PTPRB: variants seen among roughly 807,000 people sequenced by gnomAD.
The protein encoded by PTPRB is protein tyrosine phosphatase receptor type B, also known as receptor-type tyrosine-protein phosphatase beta.
PTPRB carries 97 observed loss-of-function variants against 238.1 expected under a neutral mutation model. That is an observed-to-expected ratio of 0.41 (90% CI 0.35 to 0.48). PTPRB has a LOEUF of 0.48. PTPRB is among the 20% of genes least tolerant of loss of function. The pLI, the probability that PTPRB is intolerant of heterozygous loss-of-function variation, is 0.30. For missense variants in PTPRB, 2,292 were observed against 2,681.9 expected, an observed-to-expected ratio of 0.85 and a Z score of 3.21; for synonymous variants, 970 against 995.4, an observed-to-expected ratio of 0.97 and a Z score of 0.48.
chr12:70,607,919 C>T (rs893738937), intron 4 of PTPRB, among the ~76,000 whole-genome samples: 6 of 151,892 alleles, frequency 4.0e-5, no homozygotes, highest in African/African-American at 1.2e-4. Flanking sequence ...TCTCAGATAT[C>T]ATCTAAAAGT....
intron 32 of PTPRB, among the ~76,000 whole-genome samples, chr12:70,530,927 ATATGGTAGAATC>A (rs1458396884): frequency 2.0e-5 from 3 of 152,216 alleles, no homozygotes; most frequent in African/African-American, 7.2e-5. Flanking sequence ...AACATTCAAA[ATATGGTAGAATC>A]ATTGTTATAA....
At chr12:70,617,032 G>T (rs1458626803) in intron 3 of PTPRB, among the ~76,000 whole-genome samples, 1 of 152,156 alleles carries the variant, frequency 6.6e-6, no homozygotes, top group East Asian at 1.9e-4. Context: ...TTTGCATTTG[G>T]TTGAAAGAAA....
At chr12:70,634,240 G>A (rs746120523) in intron 2 of PTPRB, among the ~76,000 whole-genome samples, 30 of 152,214 alleles carry the variant, frequency 2.0e-4, no homozygotes, top group Non-Finnish European at 3.5e-4. Context: ...ATGGTGGAAA[G>A]ACTAATATAA....
intron 13 of PTPRB, 146 bp from the exon 14 acceptor site, chr12:70,570,084 G>C: frequency 1.3e-6 from 1 of 791,656 alleles, no homozygotes; most frequent in African/African-American, 1.7e-5. Context: ...ACTTTTCTCT[G>C]ATTTTTCTGT....
intron 17 of PTPRB, among the ~76,000 whole-genome samples, chr12:70,559,844 T>A (rs58593544): frequency 2.3e-4 from 31 of 134,164 alleles, no homozygotes; most frequent in South Asian, 4.7e-4. Context: ...TTTTCACTTT[T>A]TTTTTTTTGA....
intron 2 of PTPRB, among the ~76,000 whole-genome samples, chr12:70,626,978 T>G (rs1232401594): frequency 2.0e-5 from 3 of 152,048 alleles, no homozygotes; most frequent in Non-Finnish European, 4.4e-5. Context: ...AATTAATAAA[T>G]GGAAATTGAT....
rs563069382 is a variant in PTPRB at position 70,554,025 on chromosome 12, T to G, written c.5144-1005A>C. 7.2e-5 allele frequency among the ~76,000 whole-genome samples: 11 copies of G among 152,328 alleles called. No individual in the cohort carries two copies. In the South Asian group the frequency reaches 1.7e-3, roughly 23 times the overall value. Reference sequence around the variant, plus strand: ...ATATTCATGTAGCAAAACACTGTCTTCATTGCAGTCTAATTAAGTCTAAAG... The same window carrying G: ...ATATTCATGTAGCAAAACACTGTCTGCATTGCAGTCTAATTAAGTCTAAAG... On this transcript the variant is annotated intron_variant, in intron 20 of 33. Coordinates refer to ENST00000334414, the MANE Select transcript of PTPRB (RefSeq NM_001109754.4).
chr12:70,592,399 C>A lies in PTPRB; in HGVS notation c.1663G>T (p.Ala555Ser). Residue 555 changes from alanine to serine, a missense_variant, in exon 7 of 34, where the codon GCA becomes TCA. Physicochemically the swap from Ala to Ser is moderately conservative, Grantham distance 99. Coordinates refer to ENST00000334414, the MANE Select transcript of PTPRB (RefSeq NM_001109754.4). ...KGTIKESRVL[A>S]PWITETHFKE... The stretch of plus-strand genomic sequence containing the variant: ...AAGTGAGTTTCAGTAATCCAAGGTG[C>A]TAATACTCTGGATTCCTTGATGGTC... The A allele has an allele frequency of 6.2e-7, 1 of 1,613,790 alleles. No individual in the cohort carries two copies. Among genetic ancestry groups the A allele is most frequent in the Non-Finnish European group, 8.5e-7 (1 of 1,179,772 alleles).
chr12:70,541,203 C>A, intron 22 of PTPRB: 1 of 366,894 alleles, frequency 2.7e-6, no homozygotes, highest in Non-Finnish European at 4.9e-6. Flanking sequence ...GTTAATGTTG[C>A]ATAGCTTATA....
intron 3 of PTPRB, among the ~76,000 whole-genome samples, chr12:70,614,789 G>A (rs1884607587): frequency 6.6e-6 from 1 of 152,134 alleles, no homozygotes; most frequent in Admixed American, 6.5e-5. Context: ...CTTCGAACCG[G>A]CTCAATAGTA....
At chr12:70,620,634 C>T (rs115731739) in intron 3 of PTPRB, among the ~76,000 whole-genome samples, 2,237 of 152,200 alleles carry the variant, frequency 0.015, 54 homozygotes, top group African/African-American at 0.05. Context: ...AGGTGCTCCT[C>T]CAAGAAACAT....
chr12:70,617,243 T>C (rs938213248), intron 3 of PTPRB, among the ~76,000 whole-genome samples: 11 of 152,368 alleles, frequency 7.2e-5, no homozygotes, highest in African/African-American at 2.6e-4. Flanking sequence ...ACCATCTTTA[T>C]GCTATTGGCA....
intron 13 of PTPRB, 88 bp from the exon 14 acceptor site, chr12:70,570,026 T>C (rs534173455): frequency 8.1e-7 from 1 of 1,236,234 alleles, no homozygotes; most frequent in Non-Finnish European, 1.1e-6. Context: ...TCTGATGTTT[T>C]GGCACCCACT....
In PTPRB at chr12:70,517,731, A is replaced by G. The variant is rs1369559635; in HGVS notation, c.*3758T>C. On this transcript the variant is annotated 3_prime_UTR_variant, in exon 34 of 34. Coordinates refer to ENST00000334414, the MANE Select transcript of PTPRB (RefSeq NM_001109754.4). ...CACCAGGTCAGGTTTGGTCTGGCTCATGTTTGTAAACTAAAACTCTAGAGC... is the reference window on the plus strand; with the variant it reads ...CACCAGGTCAGGTTTGGTCTGGCTCGTGTTTGTAAACTAAAACTCTAGAGC... 3 of 152,192 alleles carry G rather than the reference A, an allele frequency of 2.0e-5. No homozygotes were observed. Among genetic ancestry groups the G allele is most frequent in the Admixed American group, 6.5e-5 (1 of 15,278 alleles). The allele number at this position is 152,192 out of a possible 1,614,324, so 9.4% of individuals were successfully genotyped here.
intron 21 of PTPRB, among the ~76,000 whole-genome samples, chr12:70,552,393 A>C (rs941045823): frequency 6.6e-6 from 1 of 151,600 alleles, no homozygotes; most frequent in Non-Finnish European, 1.5e-5. Context: ...CTGAGGCAAG[A>C]GAATTGCTTG....
chr12:70,524,723 C>G, intron 32 of PTPRB, 132 bp from the exon 33 acceptor site: 1 of 927,590 alleles, frequency 1.1e-6, no homozygotes, highest in South Asian at 2.1e-5. Context: ...CACTAATGGT[C>G]TCTGGTAAAT....
intron 5 of PTPRB, among the ~76,000 whole-genome samples, chr12:70,594,929 A>T (rs751983941): frequency 6.6e-6 from 1 of 152,192 alleles, no homozygotes; most frequent in Non-Finnish European, 1.5e-5. Flanking sequence ...AAGTTACATC[A>T]TAATTTACTT....
At position 70,618,500 on chromosome 12, in the gene PTPRB, A is replaced by G. The variant is rs1330849869; in HGVS notation, c.708+3890T>C. ...ACCCATAACTATCCTTAAGTTAAAG[A>G]AGAAATGAGTGGGACTTGAGTAACT... On this transcript the variant is annotated intron_variant, in intron 3 of 33. Transcript: ENST00000334414. Among the ~76,000 whole-genome samples the G allele has an allele frequency of 3.9e-5, 6 of 152,330 alleles. No homozygotes were observed. The Middle Eastern group carries it at 0.017, about 432-fold the overall frequency.
Position 70,585,329 on chromosome 12 carries a change from C to G in PTPRB, c.2311+1678G>C, listed in dbSNP as rs147567454. The G allele has an allele frequency of 1.2e-4, 18 of 152,282 alleles. No homozygotes were observed. In the East Asian group the frequency reaches 3.5e-3, roughly 29 times the overall value. The allele number at this position is 152,282 out of a possible 1,614,324, so 9.4% of individuals were successfully genotyped here. The stretch of plus-strand genomic sequence containing the variant: ...AATGAAAGCAATTAGAAGATAACTG[C>G]TCACCCTACAACGATCCACCTATTG... On this transcript the variant is annotated intron_variant, in intron 9 of 33. Coordinates refer to ENST00000334414, the MANE Select transcript of PTPRB (RefSeq NM_001109754.4).
Sources: gnomAD v4.1 joint callset for allele counts (sites outside exome capture counted in the v4.1 genomes callset) on GRCh38, gnomAD v4.1.1 for gene constraint, MANE v1.5 for transcripts, NCBI Gene and HGNC (gene_info 2026-07-23, HGNC 2026-07-21) for gene names.